The following NUP98 variants were observed in gnomAD, a reference collection of about 807,000 sequenced individuals.
The protein encoded by NUP98 is nucleoporin 98 and 96 precursor, also known as nuclear pore complex protein Nup98-Nup96.
A neutral mutation model predicts 191.9 loss-of-function variants in NUP98; 26 were observed. The observed-to-expected ratio is 0.14, with a 90% CI of 0.10 to 0.19. The LOEUF is 0.19. Ranked by LOEUF, NUP98 falls within the 10% of genes least tolerant of loss-of-function variation. NUP98 has a pLI of 1.00. For synonymous variants in NUP98, 808 were observed against 778.4 expected (o/e 1.04, Z -0.63); for missense variants, 1,941 against 2,178.8 (o/e 0.89, Z 2.17).
chr11:3,791,911 G>T (rs571891225), intron 1 of NUP98, among the ~76,000 whole-genome samples: 2 of 151,436 alleles, frequency 1.3e-5, no homozygotes, highest in African/African-American at 2.4e-5. Flanking sequence ...TGGGCGCAGC[G>T]GCTCATGCCT....
chr11:3,718,121 T>C (rs1266202436), intron 18 of NUP98, among the ~76,000 whole-genome samples: 1 of 152,216 alleles, frequency 6.6e-6, no homozygotes, highest in African/African-American at 2.4e-5. Context: ...CTTCAATTTT[T>C]TGGAAGAGTC....
chr11:3,787,131 G>A (rs74934335), intron 1 of NUP98, among the ~76,000 whole-genome samples: 2,263 of 152,272 alleles, frequency 0.015, 67 homozygotes, highest in African/African-American at 0.052. Context: ...AAAGAGGGCT[G>A]GGAAACGAGG....
At chr11:3,736,866 AT>A (rs1232011401) in intron 12 of NUP98, among the ~76,000 whole-genome samples, 1 of 152,204 alleles carries the variant, frequency 6.6e-6, no homozygotes. Flanking sequence ...GGCTATCCTT[AT>A]AAGTTTATTA....
At chr11:3,717,081 G>A (rs918795528) in intron 18 of NUP98, among the ~76,000 whole-genome samples, 1 of 152,042 alleles carries the variant, frequency 6.6e-6, no homozygotes, top group Non-Finnish European at 1.5e-5. Context: ...TGCAACCTCC[G>A]CCTCCCAGGT....
At chr11:3,682,960 T>C (rs2078023907) in intron 30 of NUP98, among the ~76,000 whole-genome samples, 1 of 152,166 alleles carries the variant, frequency 6.6e-6, no homozygotes, top group South Asian at 2.1e-4. Flanking sequence ...AAAATAATAA[T>C]AATATTAGCA....
At chr11:3,714,027 TAAAGTA>T (rs989810855) in intron 18 of NUP98, 32 bp from the exon 19 acceptor site, 3 of 1,606,594 alleles carry the variant, frequency 1.9e-6, no homozygotes, top group Non-Finnish European at 2.5e-6. Context: ...AGTAACCAAT[TAAAGTA>T]AAAGCGCTTC....
intron 4 of NUP98, among the ~76,000 whole-genome samples, chr11:3,776,250 T>A (rs993678444): frequency 6.6e-6 from 1 of 151,514 alleles, no homozygotes; most frequent in Non-Finnish European, 1.5e-5. Context: ...GCCTCCCAAG[T>A]AGCTGGGACC....
rs1315389069 is a variant in NUP98 at position 3,706,493 on chromosome 11, G to A, written c.2877C>T (p.Ala959=). The A allele has an allele frequency of 6.2e-7, 1 of 1,614,090 alleles. No individual in the cohort carries two copies. The highest frequency in any genetic ancestry group is 1.1e-5 in the South Asian group (1 of 91,076). ...SMPEDQEPVS[A]STHIASSLGI... ...CCAGTGAAGATGCAATATGTGTTGA[G>A]GCAGACACAGGTTCCTGATCCTCAG... The change falls in exon 21 of 33, where the codon GCC becomes GCT. Residue 959 remains alanine (A), a synonymous_variant. Coordinates refer to ENST00000324932, the MANE Select transcript of NUP98 (RefSeq NM_016320.5).
At chr11:3,729,125 G>C (rs574532050) in intron 14 of NUP98, among the ~76,000 whole-genome samples, 4 of 152,244 alleles carry the variant, frequency 2.6e-5, no homozygotes, top group African/African-American at 4.8e-5. Flanking sequence ...TGGTAAAGAG[G>C]TCTGGGTTGG....
intron 28 of NUP98, 111 bp downstream of exon 28, chr11:3,691,236 T>C: frequency 8.8e-7 from 1 of 1,138,920 alleles, no homozygotes; most frequent in Non-Finnish European, 1.3e-6. Context: ...TTTGGTAGTT[T>C]ATATGGACTT....
rs541268840 is a variant in NUP98, at chr11:3,701,202, A to G, written c.3513-363T>C. 2.0e-5 allele frequency among the ~76,000 whole-genome samples: 3 copies of G among 152,270 alleles called. No individual in the cohort carries two copies. In the East Asian group the frequency reaches 5.8e-4, roughly 29 times the overall value. ...TCATGAGGCTAAGCTTCTAGATACT[A>G]AAGAACTGATTCTAAATTACAATGA... On this transcript the variant is annotated intron_variant, in intron 23 of 32. Transcript: ENST00000324932.
Position 3,762,994 on chromosome 11 carries a change from C to G in NUP98, c.994G>C (p.Gly332Arg). The change falls in exon 9 of 33, where the codon GGG becomes CGG. Residue 332 changes from glycine (G) to arginine (R), a missense_variant. By Grantham distance (125) the Gly-to-Arg change is moderately radical. Coordinates refer to ENST00000324932, the MANE Select transcript of NUP98 (RefSeq NM_016320.5). Reference sequence around the variant, plus strand: ...CCAGTGCTGGTGTTTGTAGCTGTCCCAAAAAGACCTCCAGGCTGTGAGGCT... The same window carrying G: ...CCAGTGCTGGTGTTTGTAGCTGTCCGAAAAAGACCTCCAGGCTGTGAGGCT... The part of the protein sequence containing the change: ...TQASQPGGLF[G>R]TATNTSTGTA... The G allele has an allele frequency of 6.2e-7, 1 of 1,614,026 alleles. No homozygotes were observed. Among genetic ancestry groups the G allele is most frequent in the Non-Finnish European group, 8.5e-7 (1 of 1,179,992 alleles).
At chr11:3,738,278 C>T (rs2134330419) in intron 12 of NUP98, among the ~76,000 whole-genome samples, 1 of 152,248 alleles carries the variant, frequency 6.6e-6, no homozygotes, top group South Asian at 2.1e-4. Flanking sequence ...AGTTAAGCAA[C>T]TACTGGTATT....
chr11:3,774,331 G>A (rs917043891), intron 5 of NUP98, among the ~76,000 whole-genome samples: 2 of 152,256 alleles, frequency 1.3e-5, no homozygotes, highest in South Asian at 4.1e-4. Context: ...AGAATCGCTT[G>A]AATCCGAGAA....
At position 3,777,620 on chromosome 11, in the gene NUP98, C is replaced by CAAA. The variant is rs35614116; in HGVS notation, c.355+1250_355+1252dup. On this transcript the variant is annotated intron_variant, in intron 4 of 32. Coordinates refer to ENST00000324932, the MANE Select transcript of NUP98 (RefSeq NM_016320.5). ...CGGGTAACAGATCAAGACTCCGTCT[C>CAAA]AAAAAAAAAAAAAAAAAAAAAGAAG... Among the ~76,000 whole-genome samples the CAAA allele has an allele frequency of 5.7e-3, 333 of 58,930 alleles. 5 individuals carry two copies. The highest frequency in any genetic ancestry group is 0.017 in the African/African-American group (248 of 15,002). The allele number at this position is 58,930 out of a possible 152,430, so 38.7% of individuals were successfully genotyped here.
At chr11:3,695,638 A>T in intron 25 of NUP98, 32 bp from the exon 26 acceptor site, 1 of 1,481,292 alleles carries the variant, frequency 6.8e-7, no homozygotes, top group South Asian at 1.3e-5. Context: ...TTTGGTTATT[A>T]CTAAGGGTTT....
chr11:3,721,026 A>C (rs1466205389), intron 16 of NUP98: 1 of 392,006 alleles, frequency 2.6e-6, no homozygotes, highest in Non-Finnish European at 4.6e-6. Flanking sequence ...TCATGGTCAA[A>C]TAGGTTTGAA....
In NUP98 at chr11:3,737,964, T is replaced by C. The variant is rs540848803; in HGVS notation, c.1409-2640A>G. Among the ~76,000 whole-genome samples the C allele has an allele frequency of 2.6e-5, 4 of 151,794 alleles. No homozygotes were observed. In the South Asian group the frequency reaches 6.2e-4, roughly 24 times the overall value. ...ATGCAAGGAGACTCAAGAAAAACTT[T>C]AGAGAACTCCAAACCTCACTGGTCA... On this transcript the variant is annotated intron_variant, in intron 12 of 32. Coordinates refer to ENST00000324932, the MANE Select transcript of NUP98 (RefSeq NM_016320.5).
chr11:3,717,256 C>T (rs988689251), intron 18 of NUP98, among the ~76,000 whole-genome samples: 13 of 152,132 alleles, frequency 8.5e-5, no homozygotes, highest in Non-Finnish European at 1.5e-5. Flanking sequence ...CCTAGGCCTC[C>T]CGAAGTGCTG....
Sources: allele counts gnomAD v4.1 joint callset (sites outside exome capture counted in the v4.1 genomes callset), GRCh38; gene constraint gnomAD v4.1.1; transcripts MANE v1.5; gene names NCBI Gene and HGNC (gene_info 2026-07-23, HGNC 2026-07-21).